CACNB2: variants seen among roughly 807,000 people sequenced by gnomAD.
CACNB2 encodes calcium voltage-gated channel auxiliary subunit beta 2.
Under a neutral mutation model 73.3 loss-of-function variants are expected in CACNB2, and 42 were observed. The observed-to-expected ratio is 0.57, with a 90% CI of 0.45 to 0.74. CACNB2 has a LOEUF of 0.74. Ranked by LOEUF, CACNB2 falls within the 30% of genes least tolerant of loss-of-function variation. The pLI is 0.00. For missense variants in CACNB2, 940 were observed against 853.0 expected (o/e 1.10, Z -1.27); for synonymous variants, 348 against 310.3 (o/e 1.12, Z -1.28).
chr10:18,389,918 T>A (rs2043391022), intron 2 of CACNB2, among the ~76,000 whole-genome samples: 1 of 152,234 alleles, frequency 6.6e-6, no homozygotes. Context: ...TTTCTATTAA[T>A]ATCCTTTATT....
Position 18,312,920 on chromosome 10 carries a change from G to A in CACNB2, c.214-89004G>A, listed in dbSNP as rs2040016002. 1.3e-5 allele frequency among the ~76,000 whole-genome samples: 2 copies of A among 152,124 alleles called. 1 individual carries two copies. Among genetic ancestry groups the A allele is most frequent in the South Asian group, 4.1e-4 (2 of 4,830 alleles). ...CTGACGATTACGGACCAAGAGAAGA[G>A]CAAGTGACTGCTGACCTCTAGAGGA... On this transcript the variant is annotated intron_variant, in intron 2 of 13. Transcript: ENST00000324631.
chr10:18,162,985 G>C (rs75770477), intron 2 of CACNB2, among the ~76,000 whole-genome samples: 4 of 152,114 alleles, frequency 2.6e-5, no homozygotes, highest in Non-Finnish European at 5.9e-5. Flanking sequence ...ATCGATGGAT[G>C]GGTGCATGGA....
At chr10:18,281,981 A>G (rs1159985525) in intron 2 of CACNB2, among the ~76,000 whole-genome samples, 1 of 32,752 alleles carries the variant, frequency 3.1e-5, no homozygotes, top group Non-Finnish European at 6.8e-5. Flanking sequence ...CTCCATCTCA[A>G]AAAAAAAAAA....
chr10:18,395,167 T>C (rs1443864565), intron 2 of CACNB2, among the ~76,000 whole-genome samples: 2 of 152,162 alleles, frequency 1.3e-5, no homozygotes, highest in African/African-American at 4.8e-5. Flanking sequence ...TAAAAATTAA[T>C]GTTAGCATGT....
At chr10:18,223,319 G>A (rs550683135) in intron 2 of CACNB2, among the ~76,000 whole-genome samples, 1 of 152,284 alleles carries the variant, frequency 6.6e-6, no homozygotes, top group African/African-American at 2.4e-5. Context: ...CAGCACTGCA[G>A]AAGAGAATGT....
intron 2 of CACNB2, among the ~76,000 whole-genome samples, chr10:18,303,261 G>A (rs568469688): frequency 3.3e-5 from 5 of 152,274 alleles, no homozygotes; most frequent in African/African-American, 7.2e-5. Flanking sequence ...CCAGCACTTC[G>A]GGAGGCCAAG....
At chr10:18,230,843 CTT>C (rs5783590) in intron 2 of CACNB2, among the ~76,000 whole-genome samples, 80 of 146,610 alleles carry the variant, frequency 5.5e-4, no homozygotes, top group Admixed American at 7.4e-4. Context: ...TTTTTTGTAG[CTT>C]TTTTTTTTTT....
intron 3 of CACNB2, among the ~76,000 whole-genome samples, chr10:18,456,180 A>C (rs1279127638): frequency 6.6e-6 from 1 of 152,070 alleles, no homozygotes. Flanking sequence ...GAAACTTCCT[A>C]CTGATCTTGG....
chr10:18,377,645 AC>A (rs1162721305), intron 2 of CACNB2, among the ~76,000 whole-genome samples: 1 of 152,198 alleles, frequency 6.6e-6, no homozygotes, highest in Non-Finnish European at 1.5e-5. Context: ...TAGCTCAAGA[AC>A]CATACAAAGA....
At chr10:18,374,857 T>C (rs946473836) in intron 2 of CACNB2, among the ~76,000 whole-genome samples, 10 of 152,118 alleles carry the variant, frequency 6.6e-5, no homozygotes, top group African/African-American at 1.4e-4. Context: ...AACTCAGCCT[T>C]AGAACTGTAA....
chr10:18,534,203 A>G lies in CACNB2; in HGVS notation c.1182A>G (p.Val394=). The G allele has an allele frequency of 6.2e-7, 1 of 1,613,428 alleles. No individual in the cohort carries two copies. The highest frequency in any genetic ancestry group is 8.5e-7 in the Non-Finnish European group (1 of 1,179,386). ...LSKTSLAPII[V]YVKISSPKVL... Reference sequence around the variant, plus strand: ...AAACCTCCTTGGCCCCTATTATAGTATATGTAAAGATTTCTTCTCCTAAGG... The same window carrying G: ...AAACCTCCTTGGCCCCTATTATAGTGTATGTAAAGATTTCTTCTCCTAAGG... Residue 394 remains valine, a synonymous_variant, in exon 11 of 14, where the codon GTA becomes GTG. Transcript: ENST00000324631.
intron 3 of CACNB2, among the ~76,000 whole-genome samples, chr10:18,459,308 C>A (rs2047443653): frequency 6.6e-6 from 1 of 152,168 alleles, no homozygotes; most frequent in African/African-American, 2.4e-5. Flanking sequence ...TTTTCTGTTT[C>A]TTCTGCAGAA....
intron 2 of CACNB2, among the ~76,000 whole-genome samples, chr10:18,252,783 G>A (rs907789848): frequency 2.6e-5 from 4 of 152,160 alleles, no homozygotes; most frequent in African/African-American, 9.7e-5. Flanking sequence ...TTGCAAGAAA[G>A]CGCAAGGAAA....
Position 18,539,424 on chromosome 10 carries a change from G to T in CACNB2, c.1683G>T (p.Glu561Asp). The change falls in exon 14 of 14, where the codon GAG becomes GAT. Residue 561 changes from glutamate to aspartate, a missense_variant. Glu to Asp is a conservative substitution (Grantham distance 45). Transcript: ENST00000324631. The part of the protein sequence containing the change: ...RQETFDSETQ[E>D]SRDSAYVEPK... ...AGACATTTGACTCGGAAACCCAGGA[G>T]AGTCGAGACTCTGCCTACGTAGAGC... 1.2e-6 allele frequency: 2 copies of T among 1,614,066 alleles called. No individual in the cohort carries two copies. The highest frequency in any genetic ancestry group is 1.7e-6 in the Non-Finnish European group (2 of 1,180,006).
At chr10:18,364,923 G>C (rs150013879) in intron 2 of CACNB2, among the ~76,000 whole-genome samples, 7 of 152,266 alleles carry the variant, frequency 4.6e-5, no homozygotes, top group Non-Finnish European at 7.4e-5. Flanking sequence ...AAATCCAGAA[G>C]TCCATACAAT....
At chr10:18,470,042 C>A (rs1001262519) in intron 3 of CACNB2, among the ~76,000 whole-genome samples, 12 of 151,902 alleles carry the variant, frequency 7.9e-5, no homozygotes, top group African/African-American at 2.7e-4. Flanking sequence ...CAGTTAATAT[C>A]TATGAAAATT....
chr10:18,381,000 C>T (rs369374474), intron 2 of CACNB2, among the ~76,000 whole-genome samples: 94 of 151,870 alleles, frequency 6.2e-4, no homozygotes, highest in African/African-American at 2.1e-3. Flanking sequence ...GGTGGGCTGC[C>T]TTGCTTTGAA....
intron 9 of CACNB2, among the ~76,000 whole-genome samples, chr10:18,525,733 C>T (rs1302490486): frequency 1.3e-5 from 2 of 152,040 alleles, no homozygotes; most frequent in South Asian, 2.1e-4. Context: ...TTCTGAACTC[C>T]TGTAATTTGG....
intron 3 of CACNB2, among the ~76,000 whole-genome samples, chr10:18,447,718 GA>G (rs997271068): frequency 2.9e-4 from 41 of 140,980 alleles, no homozygotes; most frequent in South Asian, 6.7e-4. Context: ...GAGTGACTTT[GA>G]AAAAAAAAAA....
Sources: gnomAD v4.1 joint callset for allele counts (sites outside exome capture counted in the v4.1 genomes callset) on GRCh38, gnomAD v4.1.1 for gene constraint, MANE v1.5 for transcripts, NCBI Gene and HGNC (gene_info 2026-07-23, HGNC 2026-07-21) for gene names.